CNOT6L: variants seen among roughly 807,000 people sequenced by gnomAD.
The protein encoded by CNOT6L is CCR4-NOT transcription complex subunit 6-like.
CNOT6L carries 7 observed loss-of-function variants against 64.0 expected under a neutral mutation model. The ratio of observed to expected loss-of-function variants is 0.11; its 90% confidence interval spans 0.06 to 0.21. The LOEUF (loss-of-function observed/expected upper bound fraction) is 0.21, where lower values mean the gene tolerates loss of function less well. Among genes scored for constraint, CNOT6L ranks in the 10% least tolerant of loss-of-function variants. The probability of loss-of-function intolerance (pLI) is 1.00; values close to 1 mark genes in which losing one functional copy is unlikely to be tolerated. For synonymous variants in CNOT6L, 193 were observed against 243.4 expected, an observed-to-expected ratio of 0.79 and a Z score of 1.93; for missense variants, 245 against 669.0, an observed-to-expected ratio of 0.37 and a Z score of 6.99.
Position 77,742,278 on chromosome 4 carries a change from T to C in CNOT6L, c.735A>G (p.Gln245=), listed in dbSNP as rs1216305530. The part of the protein sequence containing the change: ...IISLQEVETE[Q]YFTLFLPALK... ...ATGCTGGCAGAAAGAGAGTGAAGTATTGCTCTGTTTCCACTTCCTGAGATG... is the reference window on the plus strand; with the variant it reads ...ATGCTGGCAGAAAGAGAGTGAAGTACTGCTCTGTTTCCACTTCCTGAGATG... Residue 245 remains glutamine (Q), a synonymous_variant, in exon 8 of 12, where the codon CAA becomes CAG. Transcript: ENST00000504123. 1.2e-6 allele frequency: 2 copies of C among 1,611,678 alleles called. No homozygotes were observed. Among genetic ancestry groups the C allele is most frequent in the East Asian group, 2.2e-5 (1 of 44,808 alleles).
chr4:77,755,572 C>A (rs998954937), intron 5 of CNOT6L, among the ~76,000 whole-genome samples: 1 of 152,122 alleles, frequency 6.6e-6, no homozygotes, highest in African/African-American at 2.4e-5. Flanking sequence ...TATACAGCTT[C>A]ATTAAATTGC....
At chr4:77,782,402 A>T (rs763182284) in intron 1 of CNOT6L, among the ~76,000 whole-genome samples, 9 of 152,112 alleles carry the variant, frequency 5.9e-5, no homozygotes, top group Admixed American at 3.9e-4. Flanking sequence ...GTACAATCAT[A>T]GCTCATTGCA....
chr4:77,727,061 G>A (rs1438239562), intron 10 of CNOT6L, among the ~76,000 whole-genome samples: 2 of 152,166 alleles, frequency 1.3e-5, no homozygotes, highest in Non-Finnish European at 2.9e-5. Flanking sequence ...TTAGTGCACT[G>A]TTAGAGTCAT....
chr4:77,746,282 G>A (rs1401628035), intron 6 of CNOT6L, among the ~76,000 whole-genome samples: 1 of 151,994 alleles, frequency 6.6e-6, no homozygotes, highest in Non-Finnish European at 1.5e-5. Context: ...TTAAACAGAA[G>A]TAAAAACTAC....
chr4:77,797,935 C>T (rs189027446), intron 1 of CNOT6L, among the ~76,000 whole-genome samples: 52 of 152,224 alleles, frequency 3.4e-4, no homozygotes, highest in African/African-American at 1.2e-3. Flanking sequence ...CTATGAGTTT[C>T]GCAAGGATAT....
intron 4 of CNOT6L, among the ~76,000 whole-genome samples, chr4:77,767,433 A>C (rs1215879954): frequency 1.3e-5 from 2 of 152,352 alleles, no homozygotes; most frequent in African/African-American, 4.8e-5. Flanking sequence ...CCAGGTATCA[A>C]GTTTTAATAT....
At chr4:77,729,117 T>G (rs766142028) in intron 9 of CNOT6L, 36 bp from the exon 10 acceptor site, 1 of 1,524,256 alleles carries the variant, frequency 6.6e-7, no homozygotes, top group Non-Finnish European at 9.1e-7. Flanking sequence ...GACAAAGTTA[T>G]GCTTTATGTT....
At chr4:77,808,727 CTCA>C (rs551244334) in intron 1 of CNOT6L, among the ~76,000 whole-genome samples, 54 of 152,034 alleles carry the variant, frequency 3.6e-4, no homozygotes, top group Non-Finnish European at 5.9e-4. Flanking sequence ...TGCCTTTTTT[CTCA>C]TCATAAAGGC....
intron 8 of CNOT6L, among the ~76,000 whole-genome samples, chr4:77,736,381 C>T (rs951718673): frequency 9.2e-5 from 14 of 152,274 alleles, no homozygotes; most frequent in African/African-American, 3.4e-4. Context: ...GTGCTGATGG[C>T]TGTAATCTAC....
At chr4:77,736,524 C>A (rs1178569865) in intron 8 of CNOT6L, among the ~76,000 whole-genome samples, 1 of 103,550 alleles carries the variant, frequency 9.7e-6, no homozygotes, top group African/African-American at 3.1e-5. Flanking sequence ...CAAATGCACT[C>A]TATTCTGCAT....
intron 1 of CNOT6L, among the ~76,000 whole-genome samples, chr4:77,791,131 A>G (rs114082936): frequency 0.011 from 1,599 of 152,190 alleles, 31 homozygotes; most frequent in African/African-American, 0.036. Context: ...TAAAAAAATT[A>G]GCCAGGCATG....
At chr4:77,773,793 T>C (rs1727862789) in intron 3 of CNOT6L, among the ~76,000 whole-genome samples, 1 of 151,888 alleles carries the variant, frequency 6.6e-6, no homozygotes, top group Non-Finnish European at 1.5e-5. Flanking sequence ...GAAACATAAA[T>C]ATTAAAATAA....
chr4:77,775,741 T>C (rs1396887530), intron 2 of CNOT6L, among the ~76,000 whole-genome samples: 2 of 152,220 alleles, frequency 1.3e-5, no homozygotes, highest in African/African-American at 4.8e-5. Flanking sequence ...ATTTTGAGTA[T>C]TAATCAAGTT....
At chr4:77,783,102 A>G (rs1577980301) in intron 1 of CNOT6L, among the ~76,000 whole-genome samples, 1 of 151,532 alleles carries the variant, frequency 6.6e-6, no homozygotes, top group East Asian at 1.9e-4. Context: ...TTTTTTTAAA[A>G]AAGACTTAAT....
intron 8 of CNOT6L, among the ~76,000 whole-genome samples, chr4:77,734,431 A>G (rs1722744935): frequency 6.6e-6 from 1 of 152,194 alleles, no homozygotes; most frequent in South Asian, 2.1e-4. Flanking sequence ...ATATTCTTCC[A>G]AATCAATTTT....
At chr4:77,722,730 C>T (rs1377046693) in intron 11 of CNOT6L, among the ~76,000 whole-genome samples, 1 of 152,166 alleles carries the variant, frequency 6.6e-6, no homozygotes, top group Non-Finnish European at 1.5e-5. Flanking sequence ...CTTATCAAAA[C>T]TCTCAGCCAG....
intron 1 of CNOT6L, among the ~76,000 whole-genome samples, chr4:77,783,219 C>T (rs188924749): frequency 6.9e-6 from 1 of 144,532 alleles, no homozygotes; most frequent in Admixed American, 6.9e-5. Context: ...AAAAAAATAA[C>T]CTTCAGACTT....
At chr4:77,746,165 G>A in intron 6 of CNOT6L, among the ~76,000 whole-genome samples, 1 of 152,262 alleles carries the variant, frequency 6.6e-6, no homozygotes, top group Non-Finnish European at 1.5e-5. Context: ...TTTTTCCTAA[G>A]ACTTTGTAAA....
At chr4:77,745,770 A>G (rs1724124720) in intron 6 of CNOT6L, among the ~76,000 whole-genome samples, 1 of 152,210 alleles carries the variant, frequency 6.6e-6, no homozygotes, top group Non-Finnish European at 1.5e-5. Context: ...CGTATTTTTA[A>G]AAAGGATCCC....
Sources: gnomAD v4.1 joint callset for allele counts (sites outside exome capture counted in the v4.1 genomes callset) on GRCh38, gnomAD v4.1.1 for gene constraint, MANE v1.5 for transcripts, NCBI Gene and HGNC (gene_info 2026-07-23, HGNC 2026-07-21) for gene names.